The following NEK10 variants were observed in gnomAD, a reference collection of about 807,000 sequenced individuals.
NEK10 encodes serine/threonine-protein kinase Nek10.
In NEK10, 122 loss-of-function variants were observed where a neutral mutation model predicts 159.8. That is an observed-to-expected ratio of 0.76 (90% CI 0.66 to 0.89). The LOEUF (loss-of-function observed/expected upper bound fraction) is 0.89. Among genes scored for constraint, NEK10 ranks in the 40% least tolerant of loss-of-function variants. NEK10 has a pLI of 0.00. For synonymous variants in NEK10, 466 were observed against 457.1 expected (o/e 1.02, Z -0.25); for missense variants, 1,342 against 1,323.1 (o/e 1.01, Z -0.22).
intron 3 of NEK10, among the ~76,000 whole-genome samples, chr3:27,347,993 T>C (rs1021881069): frequency 3.9e-5 from 6 of 152,218 alleles, no homozygotes; most frequent in African/African-American, 1.4e-4. Context: ...AGCATAGTTC[T>C]AATTGCTTTG....
intron 22 of NEK10, 83 bp from the exon 23 acceptor site, chr3:27,256,454 T>C (rs2149324424): frequency 1.5e-6 from 1 of 658,008 alleles, no homozygotes; most frequent in Non-Finnish European, 2.5e-6. Context: ...ATCTACACAA[T>C]AACTACTACA....
chr3:27,253,302 G>A (rs561333092), intron 23 of NEK10, among the ~76,000 whole-genome samples: 25 of 152,194 alleles, frequency 1.6e-4, no homozygotes, highest in African/African-American at 5.8e-4. Flanking sequence ...AGAACTAGCT[G>A]AAAATGCTTC....
At chr3:27,362,294 G>A (rs1038014383) in intron 1 of NEK10, among the ~76,000 whole-genome samples, 1 of 152,172 alleles carries the variant, frequency 6.6e-6, no homozygotes, top group Non-Finnish European at 1.5e-5. Flanking sequence ...CAAGTGTTGG[G>A]AAAAGGAGTA....
intron 30 of NEK10, among the ~76,000 whole-genome samples, chr3:27,160,935 T>G (rs1945961922): frequency 6.6e-6 from 1 of 152,128 alleles, no homozygotes; most frequent in Non-Finnish European, 1.5e-5. Context: ...TTGTGTATTC[T>G]GATACAAGTT....
chr3:27,109,922 GA>G lies in NEK10; in HGVS notation c.*1349del, dbSNP rs1038983472. 1.3e-5 allele frequency among the ~76,000 whole-genome samples: 2 copies of G among 152,112 alleles called. No homozygotes were observed. Among genetic ancestry groups the G allele is most frequent in the African/African-American group, 4.8e-5 (2 of 41,410 alleles). On this transcript the variant is annotated 3_prime_UTR_variant, in exon 36 of 36. Transcript: ENST00000691995. ...TTAGTGCATGATTAAAGGGAATTTG[GA>G]TATAATTTAAGTATTAAATATGCTC...
chr3:27,331,253 A>AAAAAAAAAAAC (rs1489413234), intron 5 of NEK10, among the ~76,000 whole-genome samples: 4 of 143,600 alleles, frequency 2.8e-5, no homozygotes, highest in African/African-American at 1.0e-4. Flanking sequence ...AAAAAAAACA[A>AAAAAAAAAAAC]AAAAAAAAAA....
At chr3:27,144,485 T>C (rs1208615003) in intron 30 of NEK10, among the ~76,000 whole-genome samples, 1 of 152,176 alleles carries the variant, frequency 6.6e-6, no homozygotes, top group Non-Finnish European at 1.5e-5. Flanking sequence ...ACAAATACAT[T>C]TTTAAGTGGC....
chr3:27,335,746 T>C (rs1277928191), intron 5 of NEK10, among the ~76,000 whole-genome samples: 1 of 152,126 alleles, frequency 6.6e-6, no homozygotes, highest in Admixed American at 6.5e-5. Flanking sequence ...AAATTAAACA[T>C]TTGCTCCTGA....
chr3:27,232,210 T>A (rs755749800), intron 23 of NEK10, among the ~76,000 whole-genome samples: 3 of 151,774 alleles, frequency 2.0e-5, no homozygotes, highest in Non-Finnish European at 4.4e-5. Flanking sequence ...ATGGATTCAA[T>A]AAAGTCTCAG....
chr3:27,123,712 G>A (rs934400314), intron 32 of NEK10, among the ~76,000 whole-genome samples: 1 of 152,072 alleles, frequency 6.6e-6, no homozygotes, highest in African/African-American at 2.4e-5. Context: ...ACTTTAGGAG[G>A]TAGCAGATAG....
chr3:27,218,104 T>C (rs535850707), intron 23 of NEK10, among the ~76,000 whole-genome samples: 1 of 152,290 alleles, frequency 6.6e-6, no homozygotes, highest in South Asian at 2.1e-4. Flanking sequence ...GTGACTACTG[T>C]GTAGATAGAG....
chr3:27,178,371 T>C (rs530816824), intron 26 of NEK10, among the ~76,000 whole-genome samples: 189 of 152,272 alleles, frequency 1.2e-3, no homozygotes, highest in African/African-American at 4.2e-3. Context: ...AAGAAATAAA[T>C]ATAAAGCATA....
chr3:27,199,495 T>C (rs1439293790), intron 25 of NEK10, among the ~76,000 whole-genome samples: 1 of 152,318 alleles, frequency 6.6e-6, no homozygotes, highest in African/African-American at 2.4e-5. Context: ...GGAACACTTA[T>C]GCACTGTTGG....
chr3:27,357,316 T>A (rs976518339), intron 1 of NEK10, among the ~76,000 whole-genome samples: 4 of 152,004 alleles, frequency 2.6e-5, no homozygotes, highest in African/African-American at 7.2e-5. Flanking sequence ...AGGATTATTT[T>A]AAAAAAAACC....
chr3:27,110,981 GT>G lies in NEK10; in HGVS notation c.*290del, dbSNP rs1939450055. On this transcript the variant is annotated 3_prime_UTR_variant, in exon 36 of 36. Coordinates refer to ENST00000691995, the MANE Select transcript of NEK10 (RefSeq NM_001394966.1). Reference sequence around the variant, plus strand: ...AGAGTTTTTTTGTTGTTGTTTTTGGGTTTTCCCCCCACCCTCCAAAAGATGA... The same window carrying G: ...AGAGTTTTTTTGTTGTTGTTTTTGGGTTTCCCCCCACCCTCCAAAAGATGA... 2 of 284,518 alleles carry G rather than the reference GT, an allele frequency of 7.0e-6. No homozygotes were observed. Among genetic ancestry groups the G allele is most frequent in the East Asian group, 5.9e-5 (1 of 16,986 alleles). The allele number at this position is 284,518 out of a possible 1,614,324, so 17.6% of individuals were successfully genotyped here.
At chr3:27,120,497 A>AT (rs56343169) in intron 32 of NEK10, among the ~76,000 whole-genome samples, 55,209 of 143,278 alleles carry the variant, frequency 0.39, 12,208 homozygotes, top group East Asian at 0.75. Flanking sequence ...TAATTTTTGT[A>AT]TTTTTTTTTT....
At chr3:27,267,685 A>G (rs1424248204) in intron 22 of NEK10, among the ~76,000 whole-genome samples, 19 of 152,186 alleles carry the variant, frequency 1.2e-4, no homozygotes, top group Admixed American at 1.2e-3. Context: ...CTGTTCCCCC[A>G]GCTCTCACTC....
rs190411113 is a variant in NEK10, at chr3:27,272,546, G to A, written c.2014+12056C>T. 2.6e-3 allele frequency among the ~76,000 whole-genome samples: 392 copies of A among 152,206 alleles called. 4 individuals are homozygous for A. The highest frequency in any genetic ancestry group is 9.1e-3 in the African/African-American group (380 of 41,534). ...TCCATCCTACAGGGTATTTGACAAC[G>A]AAACAATCTACCAACACCTGCCTTC... On this transcript the variant is annotated intron_variant, in intron 22 of 35. Transcript: ENST00000691995.
chr3:27,112,224 T>A, intron 35 of NEK10, among the ~76,000 whole-genome samples: 1 of 152,346 alleles, frequency 6.6e-6, no homozygotes, highest in East Asian at 1.9e-4. Context: ...AACAGATAGA[T>A]AATGGCTTTA....
Sources: gnomAD v4.1 joint callset for allele counts (sites outside exome capture counted in the v4.1 genomes callset) on GRCh38, gnomAD v4.1.1 for gene constraint, MANE v1.5 for transcripts, NCBI Gene and HGNC (gene_info 2026-07-23, HGNC 2026-07-21) for gene names.